SDK1: variants seen among roughly 807,000 people sequenced by gnomAD.
SDK1 encodes the protein protein sidekick-1.
Under a neutral mutation model 245.5 loss-of-function variants are expected in SDK1, and 157 were observed. That is an observed-to-expected ratio of 0.64 (90% confidence interval 0.56 to 0.73). SDK1 has a LOEUF of 0.73. SDK1 is among the 30% of genes least tolerant of loss of function. The pLI, the probability that SDK1 is intolerant of heterozygous loss-of-function variation, is 0.00. For missense variants in SDK1, 3,583 were observed against 3,002.3 expected (o/e 1.19, Z -4.52); for synonymous variants, 1,647 against 1,278.5 (o/e 1.29, Z -6.15).
chr7:3,310,116 G>T (rs138815895), intron 1 of SDK1, among the ~76,000 whole-genome samples: 1 of 152,158 alleles, frequency 6.6e-6, no homozygotes, highest in Non-Finnish European at 1.5e-5. Context: ...GTTTGCTTCT[G>T]TGTCTGTGCT....
intron 4 of SDK1, among the ~76,000 whole-genome samples, chr7:3,799,573 C>A (rs1465143104): frequency 6.6e-6 from 1 of 151,638 alleles, no homozygotes; most frequent in Non-Finnish European, 1.5e-5. Context: ...GGCGTGGTGG[C>A]GGGCACCTGT....
At chr7:3,702,176 G>A (rs912953726) in intron 4 of SDK1, among the ~76,000 whole-genome samples, 1 of 152,142 alleles carries the variant, frequency 6.6e-6, no homozygotes, top group Non-Finnish European at 1.5e-5. Context: ...TGCTCTGCAA[G>A]GGGATGAAAA....
At chr7:3,768,739 C>G (rs928972565) in intron 4 of SDK1, among the ~76,000 whole-genome samples, 2 of 152,130 alleles carry the variant, frequency 1.3e-5, no homozygotes, top group African/African-American at 4.8e-5. Context: ...AGAAATTGAC[C>G]AGAAATAGTC....
At chr7:3,384,939 C>G (rs185663510) in intron 1 of SDK1, among the ~76,000 whole-genome samples, 3 of 152,168 alleles carry the variant, frequency 2.0e-5, no homozygotes, top group Non-Finnish European at 4.4e-5. Context: ...CTGTGGCATA[C>G]GCCCTGCTGC....
intron 43 of SDK1, among the ~76,000 whole-genome samples, chr7:4,242,756 A>T (rs1786608613): frequency 6.6e-6 from 1 of 152,194 alleles, no homozygotes; most frequent in Non-Finnish European, 1.5e-5. Context: ...CCAGACCCAG[A>T]CAGACCCCAG....
intron 5 of SDK1, among the ~76,000 whole-genome samples, chr7:3,863,870 G>T (rs371338358): frequency 6.6e-6 from 1 of 152,192 alleles, no homozygotes; most frequent in African/African-American, 2.4e-5. Flanking sequence ...CCTTTTGGCT[G>T]TTGTGAATCT....
At chr7:3,437,712 G>A (rs1780070403) in intron 1 of SDK1, among the ~76,000 whole-genome samples, 1 of 152,156 alleles carries the variant, frequency 6.6e-6, no homozygotes, top group Non-Finnish European at 1.5e-5. Flanking sequence ...TCGTGCCACT[G>A]CACTCCAGCC....
chr7:3,417,179 C>CA (rs896604046), intron 1 of SDK1, among the ~76,000 whole-genome samples: 1 of 152,016 alleles, frequency 6.6e-6, no homozygotes, highest in Non-Finnish European at 1.5e-5. Context: ...TGTATAAAAA[C>CA]AAAAAATAAC....
intron 4 of SDK1, among the ~76,000 whole-genome samples, chr7:3,720,498 C>T (rs1466329937): frequency 6.6e-6 from 1 of 152,072 alleles, no homozygotes; most frequent in African/African-American, 2.4e-5. Context: ...TACTAGCCAC[C>T]AGGAAAATAT....
chr7:3,921,161 CAT>C (rs1462746737), intron 5 of SDK1, among the ~76,000 whole-genome samples: 1 of 152,132 alleles, frequency 6.6e-6, no homozygotes, highest in African/African-American at 2.4e-5. Context: ...ACAACCCAGA[CAT>C]GTGGCTATGA....
At chr7:3,450,695 A>G (rs1265482602) in intron 1 of SDK1, among the ~76,000 whole-genome samples, 1 of 152,160 alleles carries the variant, frequency 6.6e-6, no homozygotes, top group Non-Finnish European at 1.5e-5. Flanking sequence ...GGCTGAATAG[A>G]TCTGACCTTA....
chr7:3,458,501 A>T (rs1156978653), intron 1 of SDK1, among the ~76,000 whole-genome samples: 3 of 151,450 alleles, frequency 2.0e-5, no homozygotes, highest in African/African-American at 7.3e-5. Context: ...GTTCTTTTTC[A>T]GGCCATCTAC....
chr7:3,617,296 G>A (rs151276330), intron 1 of SDK1, among the ~76,000 whole-genome samples: 1 of 152,190 alleles, frequency 6.6e-6, no homozygotes, highest in Non-Finnish European at 1.5e-5. Context: ...TAGGAATTCA[G>A]AAGTGATCAA....
intron 2 of SDK1, among the ~76,000 whole-genome samples, chr7:3,628,029 C>A (rs1346643215): frequency 3.9e-5 from 6 of 152,166 alleles, no homozygotes; most frequent in Admixed American, 3.3e-4. Flanking sequence ...ACCAAAGGTA[C>A]TACTTGCAGC....
intron 4 of SDK1, among the ~76,000 whole-genome samples, chr7:3,815,667 TGGAATAGTTTCAGAA>T (rs1180719018): frequency 1.3e-5 from 2 of 151,842 alleles, no homozygotes; most frequent in Admixed American, 6.6e-5. Flanking sequence ...TTCTATTGAT[TGGAATAGTTTCAGAA>T]GGAATGGTAC....
At chr7:3,782,813 A>C (rs1014927573) in intron 4 of SDK1, among the ~76,000 whole-genome samples, 1 of 152,234 alleles carries the variant, frequency 6.6e-6, no homozygotes, top group African/African-American at 2.4e-5. Flanking sequence ...GTAAAGTTGA[A>C]AAATTCTAAG....
chr7:4,174,956 C>G (rs1782100322), intron 33 of SDK1, among the ~76,000 whole-genome samples: 1 of 152,208 alleles, frequency 6.6e-6, no homozygotes, highest in Non-Finnish European at 1.5e-5. Flanking sequence ...AACGGTGTCA[C>G]AAAAATACTC....
chr7:3,912,738 G>A (rs982974428), intron 5 of SDK1, among the ~76,000 whole-genome samples: 2 of 152,236 alleles, frequency 1.3e-5, no homozygotes, highest in Non-Finnish European at 2.9e-5. Context: ...GGTCTGGCCC[G>A]TGGGGGCTCA....
At chr7:3,698,322 G>A (rs1339204860) in intron 4 of SDK1, among the ~76,000 whole-genome samples, 14 of 152,192 alleles carry the variant, frequency 9.2e-5, no homozygotes, top group Admixed American at 9.2e-4. Flanking sequence ...CAAGGCTTGT[G>A]TCTCCTCGGT....
Sources: gnomAD v4.1 joint callset for allele counts (sites outside exome capture counted in the v4.1 genomes callset) on GRCh38, gnomAD v4.1.1 for gene constraint, MANE v1.5 for transcripts, NCBI Gene and HGNC (gene_info 2026-07-23, HGNC 2026-07-21) for gene names.